CUBN: variants seen among roughly 807,000 people sequenced by gnomAD.
CUBN encodes cubilin, also known as 460 kDa receptor.
In CUBN, 282 loss-of-function variants were observed where a neutral mutation model predicts 405.3. That is an observed-to-expected ratio of 0.70 (90% confidence interval 0.63 to 0.77). CUBN has a LOEUF of 0.77. Among genes scored for constraint, CUBN ranks in the 30% least tolerant of loss-of-function variants. The pLI is 0.00. For missense variants in CUBN, 4,514 were observed against 4,475.2 expected (o/e 1.01, Z -0.25); for synonymous variants, 1,684 against 1,617.0 (o/e 1.04, Z -0.99).
chr10:17,019,678 C>A (rs1834439288), intron 28 of CUBN, among the ~76,000 whole-genome samples, 155 bp downstream of exon 28: 1 of 152,168 alleles, frequency 6.6e-6, no homozygotes, highest in African/African-American at 2.4e-5. Flanking sequence ...CAAGTTCCAC[C>A]AATATCTAAG....
At chr10:17,086,891 T>A (rs1469401477) in intron 15 of CUBN, among the ~76,000 whole-genome samples, 1 of 152,206 alleles carries the variant, frequency 6.6e-6, no homozygotes, top group Admixed American at 6.5e-5. Flanking sequence ...CAGAAATGAA[T>A]GTGTAGGAAT....
chr10:16,824,652 C>T lies in CUBN; in HGVS notation c.*323G>A. ...TCTCCTGCCTCAGCCTCTCGAGTGG[C>T]TGGAATTACAGGCACCCACCACCAC... On this transcript the variant is annotated 3_prime_UTR_variant, in exon 67 of 67. Coordinates refer to ENST00000377833, the MANE Select transcript of CUBN (RefSeq NM_001081.4). 2.9e-6 allele frequency: 1 copy of T among 344,834 alleles called. No individual in the cohort carries two copies. The highest frequency in any genetic ancestry group is 4.0e-5 in the Admixed American group (1 of 24,820). The allele number at this position is 344,834 out of a possible 1,614,324, so 21.4% of individuals were successfully genotyped here. A position where few individuals can be genotyped will look rare whatever the true frequency, so the allele number is the denominator to read the frequency against.
intron 62 of CUBN, 109 bp from the exon 63 acceptor site, chr10:16,836,491 A>G: frequency 2.7e-6 from 3 of 1,097,500 alleles, no homozygotes; most frequent in Middle Eastern, 4.0e-4. Context: ...TTAGCCATGG[A>G]AACCAGCTCT....
intron 36 of CUBN, among the ~76,000 whole-genome samples, chr10:16,946,599 C>T (rs1842790476): frequency 6.6e-6 from 1 of 150,624 alleles, no homozygotes; most frequent in South Asian, 2.1e-4. Context: ...AGGTTCAGGG[C>T]ATTCTCCTGC....
At chr10:16,919,432 C>T (rs769758440) in intron 44 of CUBN, among the ~76,000 whole-genome samples, 10 of 152,152 alleles carry the variant, frequency 6.6e-5, no homozygotes, top group Non-Finnish European at 1.3e-4. Flanking sequence ...ATGTTTTCTA[C>T]GATCAATATA....
rs11815212 is a variant in CUBN, at chr10:17,041,301, T to A, written c.3830-81A>T. On this transcript the variant is annotated intron_variant, in intron 26 of 66. Transcript: ENST00000377833. ...AGATGAGATTTTCCTTTAAAAAAAA[T>A]AAATAAAAATCATCTGTGTATGTAC... The A allele has an allele frequency of 2.3e-4, 265 of 1,168,174 alleles. No homozygotes were observed. In the African/African-American group the frequency reaches 3.6e-3, roughly 16 times the overall value. The allele number at this position is 1,168,174 out of a possible 1,614,324, so 72.4% of individuals were successfully genotyped here. A position where few individuals can be genotyped will look rare whatever the true frequency, so the allele number is the denominator to read the frequency against.
chr10:17,047,418 T>C lies in CUBN; in HGVS notation c.3325A>G (p.Ile1109Val). 1.2e-6 allele frequency: 2 copies of C among 1,609,224 alleles called. No individual in the cohort carries two copies. The highest frequency in any genetic ancestry group is 1.7e-6 in the Non-Finnish European group (2 of 1,175,790). The change falls in exon 23 of 67, where the codon ATC (isoleucine) becomes GTC (valine). Residue 1109 changes from isoleucine to valine, a missense_variant. Transcript: ENST00000377833. ...IGNYYTDFLEIRDGGYEKSPL... is the reference protein window; with the variant it reads ...IGNYYTDFLEVRDGGYEKSPL... The stretch of plus-strand genomic sequence containing the variant: ...GAAATAAATAAAAGTGCTGACCTGA[T>C]TTCCAGAAAATCTGTATAATAGTTT...
intron 41 of CUBN, 149 bp from the exon 42 acceptor site, chr10:16,925,923 A>T: frequency 1.4e-6 from 1 of 738,770 alleles, no homozygotes; most frequent in Non-Finnish European, 2.4e-6. Flanking sequence ...TTATCATAAC[A>T]AGCATGTATT....
At chr10:16,945,767 CAAAAAAAA>C (rs61141075) in intron 36 of CUBN, among the ~76,000 whole-genome samples, 1 of 81,414 alleles carries the variant, frequency 1.2e-5, no homozygotes, top group Middle Eastern at 6.8e-3. Flanking sequence ...ACTGTGTCTC[CAAAAAAAA>C]AAAAAAAAAA....
At chr10:16,841,286 G>C (rs547753827) in intron 60 of CUBN, among the ~76,000 whole-genome samples, 1 of 152,176 alleles carries the variant, frequency 6.6e-6, no homozygotes, top group Admixed American at 6.5e-5. Flanking sequence ...ATTTTTAAAA[G>C]AAGGTGTTAT....
At chr10:16,836,872 C>T (rs1488722594) in intron 62 of CUBN, among the ~76,000 whole-genome samples, 2 of 152,154 alleles carry the variant, frequency 1.3e-5, no homozygotes, top group African/African-American at 2.4e-5. Context: ...CATGAGGTAC[C>T]GGTTCCCCTT....
chr10:16,988,145 G>A (rs527553229), intron 29 of CUBN, among the ~76,000 whole-genome samples: 4 of 152,226 alleles, frequency 2.6e-5, no homozygotes, highest in South Asian at 2.1e-4. Flanking sequence ...GACACAACCC[G>A]AAACACAATT....
At chr10:16,891,076 C>A (rs1318888310) in intron 54 of CUBN, among the ~76,000 whole-genome samples, 2 of 152,192 alleles carry the variant, frequency 1.3e-5, no homozygotes, top group African/African-American at 4.8e-5. Context: ...GAAAAGCTGA[C>A]ATCCAGTCAG....
At chr10:16,874,736 C>T (rs1840451809) in intron 57 of CUBN, among the ~76,000 whole-genome samples, 2 of 152,098 alleles carry the variant, frequency 1.3e-5, no homozygotes, top group Admixed American at 1.3e-4. Flanking sequence ...TATTTAAAGG[C>T]TCATCTTGGA....
intron 6 of CUBN, among the ~76,000 whole-genome samples, chr10:17,116,886 T>A (rs191700670): frequency 6.6e-6 from 1 of 152,220 alleles, no homozygotes; most frequent in Non-Finnish European, 1.5e-5. Context: ...AGGCCAGACT[T>A]AGCAAATAAA....
intron 31 of CUBN, among the ~76,000 whole-genome samples, chr10:16,966,207 T>A (rs994241168): frequency 1.3e-5 from 2 of 152,212 alleles, no homozygotes; most frequent in African/African-American, 2.4e-5. Context: ...GTGGTTGGCA[T>A]CTGTCCTGCA....
chr10:16,953,315 G>T (rs1448452007), intron 32 of CUBN, among the ~76,000 whole-genome samples: 1 of 152,106 alleles, frequency 6.6e-6, no homozygotes, highest in Non-Finnish European at 1.5e-5. Flanking sequence ...AAATCAACAA[G>T]AATATAGTCT....
chr10:17,108,541 A>C (rs545133178), intron 10 of CUBN, among the ~76,000 whole-genome samples: 37 of 152,296 alleles, frequency 2.4e-4, no homozygotes, highest in Non-Finnish European at 4.7e-4. Flanking sequence ...ATTTGAGCAA[A>C]AATACCAAGC....
At chr10:17,082,515 T>C (rs547672515) in intron 17 of CUBN, among the ~76,000 whole-genome samples, 1 of 152,174 alleles carries the variant, frequency 6.6e-6, no homozygotes, top group African/African-American at 2.4e-5. Context: ...GTACTGATAG[T>C]TCTTTAGAAC....
Sources: allele counts gnomAD v4.1 joint callset (sites outside exome capture counted in the v4.1 genomes callset), GRCh38; gene constraint gnomAD v4.1.1; transcripts MANE v1.5; gene names NCBI Gene and HGNC (gene_info 2026-07-23, HGNC 2026-07-21).